ARID3A: variants seen among roughly 807,000 people sequenced by gnomAD.
ARID3A encodes the protein AT-rich interaction domain 3A.
A neutral mutation model predicts 52.7 loss-of-function variants in ARID3A; 11 were observed. The ratio of observed to expected loss-of-function variants is 0.21; its 90% CI spans 0.13 to 0.35. The LOEUF (loss-of-function observed/expected upper bound fraction) is 0.35, where lower values mean the gene tolerates loss of function less well. Ranked by LOEUF, ARID3A falls within the 10% of genes least tolerant of loss-of-function variation. The pLI is 1.00. For synonymous variants in ARID3A, 404 were observed against 359.4 expected, an observed-to-expected ratio of 1.12 and a Z score of -1.40; for missense variants, 721 against 838.5, an observed-to-expected ratio of 0.86 and a Z score of 1.73.
intron 3 of ARID3A, among the ~76,000 whole-genome samples, chr19:939,717 A>C (rs1043025877): frequency 2.6e-5 from 4 of 152,006 alleles, no homozygotes; most frequent in Non-Finnish European, 5.9e-5. Flanking sequence ...TTTCAGCTGT[A>C]TGGACGTTCC....
At position 972,203 on chromosome 19, in the gene ARID3A, C is replaced by T; in HGVS notation, c.*138C>T. 2.1e-6 allele frequency: 1 copy of T among 475,654 alleles called. No homozygotes were observed. The highest frequency in any genetic ancestry group is 3.6e-6 in the Non-Finnish European group (1 of 281,352). The allele number at this position is 475,654 out of a possible 1,614,324, so 29.5% of individuals were successfully genotyped here. ...ATCCAGAAAGGAGCCACAGCTGACG[C>T]CAAAAAGAAAAGAAAAAAGATATAT... On this transcript the variant is annotated 3_prime_UTR_variant, in exon 9 of 9. Transcript: ENST00000263620.
chr19:950,251 GCCGTCC>G, intron 3 of ARID3A, among the ~76,000 whole-genome samples: 1 of 32,014 alleles, frequency 3.1e-5, no homozygotes, highest in African/African-American at 1.6e-4. Context: ...GATGGATGAG[GCCGTCC>G]CCAGAGGGAA....
Position 966,837 on chromosome 19 carries a change from G to T in ARID3A, c.1464G>T (p.Gln488His). The part of the protein sequence containing the change: ...LQQNFLAMAA[Q>H]LPMSIRINSQ... ...AGAACTTCCTGGCCATGGCGGCCCA[G>T]CTGCCCATGAGCATTCGGATCAACA... The change falls in exon 7 of 9, where the codon CAG becomes CAT. Residue 488 changes from glutamine to histidine, a missense_variant. Physicochemically the swap from Gln to His is conservative, Grantham distance 24. Transcript: ENST00000263620. 1 of 1,612,786 alleles carries T rather than the reference G, an allele frequency of 6.2e-7. No homozygotes were observed. The highest frequency in any genetic ancestry group is 8.5e-7 in the Non-Finnish European group (1 of 1,179,394).
Position 941,536 on chromosome 19 carries a change from G to C in ARID3A, c.693+8794G>C, listed in dbSNP as rs1304152861. Reference sequence around the variant, plus strand: ...CCACGTCCCTGTTTTGCGTGGACCTGTTGGTGAGTGTGTCCAGACGTGTGT... The same window carrying C: ...CCACGTCCCTGTTTTGCGTGGACCTCTTGGTGAGTGTGTCCAGACGTGTGT... On this transcript the variant is annotated intron_variant, in intron 3 of 8. Transcript: ENST00000263620. The surrounding 1 kb of genome is among the most constrained non-coding windows in gnomAD (Gnocchi z 6.9). Among the ~76,000 whole-genome samples the C allele has an allele frequency of 6.6e-6, 1 of 152,220 alleles. No individual in the cohort carries two copies. The highest frequency in any genetic ancestry group is 1.5e-5 in the Non-Finnish European group (1 of 68,040).
intron 8 of ARID3A, among the ~76,000 whole-genome samples, chr19:969,666 CAT>C (rs1223509517): frequency 1.1e-4 from 1 of 9,334 alleles, no homozygotes; most frequent in Non-Finnish European, 2.4e-4. Context: ...TCTATATCTA[CAT>C]AGATATATAT....
At chr19:966,046 A>C (rs962381882) in intron 6 of ARID3A, among the ~76,000 whole-genome samples, 3 of 151,232 alleles carry the variant, frequency 2.0e-5, no homozygotes, top group African/African-American at 7.3e-5. Context: ...CTGTAATCCC[A>C]GCTACTCAGG....
At chr19:945,223 T>A (rs1211827456) in intron 3 of ARID3A, among the ~76,000 whole-genome samples, 1 of 152,234 alleles carries the variant, frequency 6.6e-6, no homozygotes, top group Admixed American at 6.5e-5. Flanking sequence ...CTGGGCCTGG[T>A]GCCTGTGACC....
At chr19:962,232 AT>A (rs571750373) in intron 4 of ARID3A, among the ~76,000 whole-genome samples, 11 of 150,688 alleles carry the variant, frequency 7.3e-5, no homozygotes, top group South Asian at 2.1e-4. Flanking sequence ...GAGAGAAATA[AT>A]TTTTTTTTTC....
intron 8 of ARID3A, among the ~76,000 whole-genome samples, chr19:970,538 C>T (rs995458697): frequency 3.2e-5 from 4 of 123,572 alleles, no homozygotes; most frequent in African/African-American, 1.3e-4. Flanking sequence ...GACAGAGTCT[C>T]ACTCTGTTGC....
Position 972,234 on chromosome 19 carries a change from T to TAC in ARID3A, c.*170_*171insCA. On this transcript the variant is annotated 3_prime_UTR_variant, in exon 9 of 9. Coordinates refer to ENST00000263620, the MANE Select transcript of ARID3A (RefSeq NM_005224.3). ...AGAAAAGAAAAAAGATATATATATA[T>TAC]ATATATATATATACACGTATATATA... is the stretch of plus-strand genomic sequence containing the variant. 4.7e-6 allele frequency: 1 copy of TAC among 213,292 alleles called. No individual in the cohort carries two copies. Among genetic ancestry groups the TAC allele is most frequent in the South Asian group, 1.8e-4 (1 of 5,426 alleles). The allele number at this position is 213,292 out of a possible 1,614,324, so 13.2% of individuals were successfully genotyped here. A position where few individuals can be genotyped will look rare whatever the true frequency, so the allele number is the denominator to read the frequency against.
intron 3 of ARID3A, among the ~76,000 whole-genome samples, chr19:934,587 C>A (rs372004650): frequency 2.0e-5 from 3 of 152,176 alleles, no homozygotes; most frequent in Non-Finnish European, 4.4e-5. Context: ...CCTGCCGCCC[C>A]GCACCTGCCC....
intron 3 of ARID3A, among the ~76,000 whole-genome samples, chr19:950,564 C>T (rs540534948): frequency 1.3e-3 from 191 of 152,264 alleles, no homozygotes; most frequent in Non-Finnish European, 1.9e-3. Context: ...TGGAGGCGCG[C>T]GTGGGGACCG....
intron 3 of ARID3A, among the ~76,000 whole-genome samples, chr19:940,581 A>G (rs997698769): frequency 1.3e-5 from 2 of 151,806 alleles, no homozygotes; most frequent in East Asian, 1.9e-4. Flanking sequence ...GAAGAAGGAG[A>G]AGGAGGAGAA....
rs564430192 is a variant in ARID3A, at chr19:943,505, C to T, written c.693+10763C>T. ...ATTGTTTGAACCCAGGAGGCGGAGG[C>T]TGCAGTGAGCTGAGATCGCACCACT... On this transcript the variant is annotated intron_variant, in intron 3 of 8. Coordinates refer to ENST00000263620, the MANE Select transcript of ARID3A (RefSeq NM_005224.3). 1.3e-4 allele frequency among the ~76,000 whole-genome samples: 20 copies of T among 151,842 alleles called. No individual in the cohort carries two copies. The South Asian group carries it at 4.2e-3, about 32-fold the overall frequency.
chr19:974,344 G>A lies in ARID3A; in HGVS notation c.*2279G>A, dbSNP rs377456998. On this transcript the variant is annotated 3_prime_UTR_variant, in exon 9 of 9. Coordinates refer to ENST00000263620, the MANE Select transcript of ARID3A (RefSeq NM_005224.3). The stretch of plus-strand genomic sequence containing the variant: ...CTTGTCCCTTCCTGGGGCCAGCACC[G>A]TAGCAGCACAATCACCCCGGGAAGG... 28 of 228,570 alleles carry A rather than the reference G, an allele frequency of 1.2e-4. No homozygotes were observed. The highest frequency in any genetic ancestry group is 4.7e-4 in the African/African-American group (21 of 45,132). 14.2% of individuals were successfully genotyped at this position (228,570 alleles called of 1,614,324 possible). A position where few individuals can be genotyped will look rare whatever the true frequency, so the allele number is the denominator to read the frequency against.
intron 2 of ARID3A, among the ~76,000 whole-genome samples, chr19:932,148 G>A (rs539881180): frequency 4.6e-5 from 7 of 152,164 alleles, no homozygotes; most frequent in East Asian, 1.9e-4. Flanking sequence ...ATAGGTGTGC[G>A]CCACCGTGGC....
chr19:934,645 G>A lies in ARID3A; in HGVS notation c.693+1903G>A, dbSNP rs75027236. Among the ~76,000 whole-genome samples the A allele has an allele frequency of 7.1e-3, 1,079 of 152,278 alleles. 21 individuals carry two copies. The highest frequency in any genetic ancestry group is 0.025 in the African/African-American group (1,032 of 41,530). On this transcript the variant is annotated intron_variant, in intron 3 of 8. Transcript: ENST00000263620. The stretch of plus-strand genomic sequence containing the variant: ...GAGGCCCTGAGGTGGACTAAAGCTC[G>A]GCTTGTGTGTAGGGACCGGGTGCCG...
Position 972,080 on chromosome 19 carries a change from A to G in ARID3A, c.*15A>G. On this transcript the variant is annotated 3_prime_UTR_variant, in exon 9 of 9. Transcript: ENST00000263620. ...CGTTGCCTTAACCGCATCACTCCCC[A>G]CCCGCCACCCACCCTGGAGCCCGCC... 1 of 1,503,202 alleles carries G rather than the reference A, an allele frequency of 6.7e-7. No individual in the cohort carries two copies. Among genetic ancestry groups the G allele is most frequent in the Non-Finnish European group, 8.9e-7 (1 of 1,129,438 alleles). 93.1% of individuals were successfully genotyped at this position (1,503,202 alleles called of 1,614,324 possible).
rs201677585 is a variant in ARID3A at position 971,908 on chromosome 19, C to A, written c.1625C>A (p.Thr542Lys). Residue 542 changes from threonine (T) to lysine (K), a missense_variant, in exon 9 of 9, where the codon ACG (threonine) becomes AAG (lysine). By Grantham distance (78) the Thr-to-Lys change is moderately conservative. Around this residue, in one of 5 missense-constraint regions of ARID3A, gnomAD observed 297 missense variants for 343.2 expected, o/e 0.87. Transcript: ENST00000263620. ...CTGTTTGCTCAGCCGCCGGCCCCCACGCCAACCTCTGCTCCCAACAAAGGA... is the reference window on the plus strand; with the variant it reads ...CTGTTTGCTCAGCCGCCGGCCCCCAAGCCAACCTCTGCTCCCAACAAAGGA... ...GVLFAQPPAPTPTSAPNKGGG... is the reference protein window; with the variant it reads ...GVLFAQPPAPKPTSAPNKGGG... The A allele has an allele frequency of 1.6e-5, 25 of 1,603,424 alleles. No homozygotes were observed. Among genetic ancestry groups the A allele is most frequent in the South Asian group, 2.2e-5 (2 of 90,400 alleles).
Sources: gnomAD v4.1 joint callset for allele counts (sites outside exome capture counted in the v4.1 genomes callset) on GRCh38, gnomAD v4.1.1 for gene constraint, gnomAD v4.1.1 regional missense constraint, Gnocchi (gnomAD v3.1) non-coding constraint, MANE v1.5 for transcripts, NCBI Gene and HGNC (gene_info 2026-07-23, HGNC 2026-07-21) for gene names.